BIN1: variants seen among roughly 807,000 people sequenced by gnomAD.
BIN1 encodes myc box-dependent-interacting protein 1.
In BIN1, 53 loss-of-function variants were observed where a neutral mutation model predicts 82.0. The ratio of observed to expected loss-of-function variants is 0.65; its 90% CI spans 0.52 to 0.81. The LOEUF (loss-of-function observed/expected upper bound fraction) is 0.81, where lower values mean the gene tolerates loss of function less well. Among genes scored for constraint, BIN1 ranks in the 40% least tolerant of loss-of-function variants. The pLI is 0.00. For missense variants in BIN1, 642 were observed against 784.4 expected, an observed-to-expected ratio of 0.82 and a Z score of 2.17; for synonymous variants, 302 against 328.0, an observed-to-expected ratio of 0.92 and a Z score of 0.86.
At chr2:127,053,483 CAG>C (rs2104892776) in intron 13 of BIN1, 38 bp from the exon 14 acceptor site, 1 of 1,611,768 alleles carries the variant, frequency 6.2e-7, no homozygotes, top group Admixed American at 1.7e-5. Context: ...ACAGTTAGCA[CAG>C]AGGTTAGAGA....
intron 1 of BIN1, among the ~76,000 whole-genome samples, chr2:127,095,585 C>T (rs937239955): frequency 6.6e-6 from 1 of 152,218 alleles, no homozygotes. Flanking sequence ...ACATCTGCAC[C>T]TTAACAGTCC....
chr2:127,084,025 G>A (rs1432908823), intron 1 of BIN1, among the ~76,000 whole-genome samples: 2 of 152,216 alleles, frequency 1.3e-5, no homozygotes, highest in Non-Finnish European at 1.5e-5. Context: ...CACGGTCACT[G>A]TGGCAAGGCA....
In BIN1 at chr2:127,107,032, C is replaced by T. The variant is rs1306563953; in HGVS notation, c.-89G>A. 3.1e-5 allele frequency: 41 copies of T among 1,302,558 alleles called. No homozygotes were observed. The highest frequency in any genetic ancestry group is 9.9e-7 in the Non-Finnish European group (1 of 1,008,386). The allele number at this position is 1,302,558 out of a possible 1,614,324, so 80.7% of individuals were successfully genotyped here. A position where few individuals can be genotyped will look rare whatever the true frequency, so the allele number is the denominator to read the frequency against. ...CTCCCAGCCCCCAGCCCCGGCCGCG[C>T]GTCCAGACCGGCTGCCGCTCCACGC... On this transcript the variant is annotated 5_prime_UTR_variant, in exon 1 of 19. Transcript: ENST00000316724. This position sits in a 1 kb window ranked among gnomAD's most constrained non-coding sequence, Gnocchi z 5.9.
chr2:127,069,181 G>T, intron 5 of BIN1, 150 bp from the exon 6 acceptor site: 1 of 712,076 alleles, frequency 1.4e-6, no homozygotes, highest in Non-Finnish European at 2.4e-6. Context: ...CCTCCTCGTG[G>T]CAGAGAGCTC....
chr2:127,100,645 G>C (rs1680191878), intron 1 of BIN1, among the ~76,000 whole-genome samples: 1 of 152,206 alleles, frequency 6.6e-6, no homozygotes, highest in African/African-American at 2.4e-5. Context: ...GTTAATATTT[G>C]ACAAGGGCTT....
In BIN1 at chr2:127,107,018, C is replaced by T; in HGVS notation, c.-75G>A. 7.0e-7 allele frequency: 1 copy of T among 1,426,536 alleles called. No individual in the cohort carries two copies. Among genetic ancestry groups the T allele is most frequent in the Non-Finnish European group, 9.2e-7 (1 of 1,088,168 alleles). 88.4% of individuals were successfully genotyped at this position (1,426,536 alleles called of 1,614,324 possible). A position where few individuals can be genotyped will look rare whatever the true frequency, so the allele number is the denominator to read the frequency against. Reference sequence around the variant, plus strand: ...TCTTGCGCGCCGCGCTCCCAGCCCCCAGCCCCGGCCGCGCGTCCAGACCGG... The same window carrying T: ...TCTTGCGCGCCGCGCTCCCAGCCCCTAGCCCCGGCCGCGCGTCCAGACCGG... On this transcript the variant is annotated 5_prime_UTR_variant, in exon 1 of 19. Transcript: ENST00000316724. The surrounding 1 kb of genome is among the most constrained non-coding windows in gnomAD (Gnocchi z 5.9).
chr2:127,073,781 C>T (rs1244360048), intron 2 of BIN1, among the ~76,000 whole-genome samples: 1 of 152,180 alleles, frequency 6.6e-6, no homozygotes, highest in Admixed American at 6.5e-5. Flanking sequence ...AGCCCTGCAG[C>T]CTGGAAAGCT....
At chr2:127,087,135 C>T (rs1049707660) in intron 1 of BIN1, among the ~76,000 whole-genome samples, 3 of 152,228 alleles carry the variant, frequency 2.0e-5, no homozygotes, top group Non-Finnish European at 2.9e-5. Flanking sequence ...TGACCAACTA[C>T]GTCAGCCCCA....
intron 1 of BIN1, among the ~76,000 whole-genome samples, chr2:127,083,463 T>C (rs538910796): frequency 7.2e-5 from 11 of 152,330 alleles, no homozygotes; most frequent in African/African-American, 2.4e-4. Flanking sequence ...GTCACTGGGA[T>C]GACCTTCGCT....
rs1335963456 is a variant in BIN1 at position 127,100,997 on chromosome 2, T to TGCGGTG, written c.84+5862_84+5863insCACCGC. ...TGAGACTTGCCCAAGGGTAGGAATG[T>TGCGGTG]GCGGGGGGTGGGGATAGACTCAAAC... On this transcript the variant is annotated intron_variant, in intron 1 of 18. Coordinates refer to ENST00000316724, the MANE Select transcript of BIN1 (RefSeq NM_139343.3). Among the ~76,000 whole-genome samples the TGCGGTG allele has an allele frequency of 5.6e-5, 4 of 71,136 alleles. 1 individual carries two copies. The highest frequency in any genetic ancestry group is 3.0e-4 in the African/African-American group (4 of 13,294). 46.7% of individuals were successfully genotyped at this position (71,136 alleles called of 152,430 possible).
chr2:127,070,383 G>A (rs1456275005), intron 4 of BIN1, among the ~76,000 whole-genome samples, 170 bp downstream of exon 4: 1 of 152,200 alleles, frequency 6.6e-6, no homozygotes, highest in Non-Finnish European at 1.5e-5. Context: ...TGGTGTGAGG[G>A]CGTGTCAGGA....
Position 127,093,048 on chromosome 2 carries a change from C to A in BIN1, c.84+13812G>T, listed in dbSNP as rs960373063. Among the ~76,000 whole-genome samples, 375 of 151,888 alleles carry A rather than the reference C, an allele frequency of 2.5e-3. 2 individuals are homozygous for A. Among genetic ancestry groups the A allele is most frequent in the Non-Finnish European group, 4.0e-3 (269 of 67,980 alleles). On this transcript the variant is annotated intron_variant, in intron 1 of 18. Coordinates refer to ENST00000316724, the MANE Select transcript of BIN1 (RefSeq NM_139343.3). This position sits in a 1 kb window ranked among gnomAD's most constrained non-coding sequence, Gnocchi z 5.7. ...GTGGGGCACAGCCTGGGGGCCCCCC[C>A]ACAGATGCCAGGTCAGCCCCCAGCC...
intron 1 of BIN1, among the ~76,000 whole-genome samples, chr2:127,087,867 G>T (rs375609162): frequency 6.6e-6 from 1 of 152,074 alleles, no homozygotes; most frequent in East Asian, 1.9e-4. Context: ...CCCTCCCCTC[G>T]GGACCATCCC....
At chr2:127,105,992 C>T (rs1681066953) in intron 1 of BIN1, among the ~76,000 whole-genome samples, 1 of 152,246 alleles carries the variant, frequency 6.6e-6, no homozygotes. Flanking sequence ...CAGACCCCCG[C>T]CCCTCAATCT....
At chr2:127,086,874 C>G (rs1317288478) in intron 1 of BIN1, among the ~76,000 whole-genome samples, 3 of 152,112 alleles carry the variant, frequency 2.0e-5, no homozygotes, top group African/African-American at 7.2e-5. Context: ...CATGGCGATC[C>G]ACCTTTTTGA....
chr2:127,090,292 C>T lies in BIN1; in HGVS notation c.85-13586G>A, dbSNP rs989027134. ...AGCAAGGCCAGCCTGGTGCAACCCG[C>T]TGTGGCCACATGAGGAGCCCTGATG... On this transcript the variant is annotated intron_variant, in intron 1 of 18. Coordinates refer to ENST00000316724, the MANE Select transcript of BIN1 (RefSeq NM_139343.3). The surrounding 1 kb of genome is among the most constrained non-coding windows in gnomAD (Gnocchi z 6.4). 1.6e-4 allele frequency among the ~76,000 whole-genome samples: 25 copies of T among 152,346 alleles called. No homozygotes were observed. Among genetic ancestry groups the T allele is most frequent in the African/African-American group, 5.8e-4 (24 of 41,586 alleles).
intron 1 of BIN1, among the ~76,000 whole-genome samples, chr2:127,098,668 G>A: frequency 6.6e-6 from 1 of 152,188 alleles, no homozygotes; most frequent in South Asian, 2.1e-4. Context: ...AGAGGGAAGA[G>A]GCTTTGCAAA....
chr2:127,085,075 G>A (rs552808250), intron 1 of BIN1, among the ~76,000 whole-genome samples: 83 of 152,004 alleles, frequency 5.5e-4, no homozygotes, highest in South Asian at 4.4e-3. Flanking sequence ...TCACCCTCAG[G>A]TTGGGAGGGG....
chr2:127,071,365 G>A (rs3820757), intron 2 of BIN1, among the ~76,000 whole-genome samples: 57,712 of 152,094 alleles, frequency 0.38, 11,934 homozygotes, highest in South Asian at 0.52. Context: ...CGGAAGAGAC[G>A]GCACTACAGC....
Sources: allele counts gnomAD v4.1 joint callset (sites outside exome capture counted in the v4.1 genomes callset), GRCh38; gene constraint gnomAD v4.1.1; non-coding constraint Gnocchi (gnomAD v3.1); transcripts MANE v1.5; gene names NCBI Gene and HGNC (gene_info 2026-07-23, HGNC 2026-07-21).